The following SLAIN1 variants were observed in gnomAD, a reference collection of about 807,000 sequenced individuals.
SLAIN1 encodes the protein SLAIN motif-containing protein 1.
A neutral mutation model predicts 55.4 loss-of-function variants in SLAIN1; 17 were observed. The ratio of observed to expected loss-of-function variants is 0.31; its 90% confidence interval spans 0.21 to 0.46. The LOEUF (loss-of-function observed/expected upper bound fraction) is 0.46. Ranked by LOEUF, SLAIN1 falls within the 20% of genes least tolerant of loss-of-function variation. SLAIN1 has a pLI of 1.00. For synonymous variants in SLAIN1, 348 were observed against 337.4 expected (o/e 1.03, Z -0.35); for missense variants, 682 against 785.1 (o/e 0.87, Z 1.57).
chr13:77,736,627 C>G (rs1379918627), intron 2 of SLAIN1, among the ~76,000 whole-genome samples: 1 of 152,072 alleles, frequency 6.6e-6, no homozygotes, highest in Non-Finnish European at 1.5e-5. Flanking sequence ...ATCTGCCTGA[C>G]CTGCTAACAC....
intron 2 of SLAIN1, among the ~76,000 whole-genome samples, chr13:77,733,456 T>A (rs1267773132): frequency 2.0e-5 from 3 of 152,186 alleles, no homozygotes; most frequent in Non-Finnish European, 4.4e-5. Flanking sequence ...TCATAGGTAC[T>A]CATACATATA....
intron 2 of SLAIN1, among the ~76,000 whole-genome samples, chr13:77,723,752 T>C (rs2091283261): frequency 6.6e-6 from 1 of 152,178 alleles, no homozygotes; most frequent in Admixed American, 6.6e-5. Context: ...CTATAAACTT[T>C]AGTTCTGCAA....
intron 2 of SLAIN1, chr13:77,743,162 A>G (rs1475072529): frequency 1.5e-6 from 2 of 1,300,256 alleles, no homozygotes; most frequent in South Asian, 2.5e-5. Context: ...ACCTGAAAAA[A>G]CAGGTAATAT....
chr13:77,711,866 G>A (rs1273185503), intron 1 of SLAIN1, among the ~76,000 whole-genome samples: 1 of 152,174 alleles, frequency 6.6e-6, no homozygotes, highest in Non-Finnish European at 1.5e-5. Flanking sequence ...ACATCAAAAA[G>A]CTTATCCACC....
chr13:77,703,875 C>T (rs1318707227), intron 1 of SLAIN1, among the ~76,000 whole-genome samples: 1 of 126,812 alleles, frequency 7.9e-6, no homozygotes, highest in Non-Finnish European at 1.6e-5. Flanking sequence ...AGTGGCAGGT[C>T]TAAAAAAAAA....
intron 4 of SLAIN1, among the ~76,000 whole-genome samples, chr13:77,749,668 T>A (rs1874073891): frequency 6.6e-6 from 1 of 152,182 alleles, no homozygotes; most frequent in Admixed American, 6.6e-5. Context: ...CTTGTGAAGA[T>A]AGAACTAGAA....
chr13:77,728,020 G>A (rs539693307), intron 2 of SLAIN1, among the ~76,000 whole-genome samples: 1 of 152,140 alleles, frequency 6.6e-6, no homozygotes. Flanking sequence ...ACAGGTATTT[G>A]TTAGGGATCT....
chr13:77,714,494 T>G (rs2091186692), intron 1 of SLAIN1, among the ~76,000 whole-genome samples: 1 of 152,062 alleles, frequency 6.6e-6, no homozygotes, highest in South Asian at 2.1e-4. Flanking sequence ...ATGCCTATGA[T>G]CCTAGCAACT....
intron 1 of SLAIN1, among the ~76,000 whole-genome samples, chr13:77,706,353 C>T (rs569167491): frequency 2.0e-5 from 3 of 152,028 alleles, no homozygotes; most frequent in East Asian, 3.9e-4. Context: ...TTTCTCTGAC[C>T]CCTTTGTTCC....
chr13:77,738,393 ACAGC>A (rs1020491455), intron 2 of SLAIN1, among the ~76,000 whole-genome samples: 4 of 152,026 alleles, frequency 2.6e-5, no homozygotes, highest in African/African-American at 9.7e-5. Flanking sequence ...AGCTGGGAAG[ACAGC>A]CATGAGCATG....
intron 4 of SLAIN1, among the ~76,000 whole-genome samples, chr13:77,749,894 C>A (rs1013901671): frequency 2.6e-5 from 4 of 152,058 alleles, no homozygotes; most frequent in Admixed American, 6.6e-5. Context: ...TGACTTGTTG[C>A]TTAAATATGA....
At chr13:77,724,088 T>G (rs1298233705) in intron 2 of SLAIN1, among the ~76,000 whole-genome samples, 1 of 152,224 alleles carries the variant, frequency 6.6e-6, no homozygotes, top group African/African-American at 2.4e-5. Context: ...ATTCAGATTT[T>G]CACTTAGTCC....
chr13:77,712,919 A>G (rs1166162215), intron 1 of SLAIN1, among the ~76,000 whole-genome samples: 1 of 152,178 alleles, frequency 6.6e-6, no homozygotes, highest in Non-Finnish European at 1.5e-5. Context: ...ATTTACAACC[A>G]TCTGATCTTT....
Position 77,698,128 on chromosome 13 carries a change from C to T in SLAIN1, c.215C>T (p.Pro72Leu), listed in dbSNP as rs1411001360. ...LPPPPPAAPP[P>L]AGLQPLGPRS... Reference sequence around the variant, plus strand: ...CCGCCGCCGCCCGCCGCGCCGCCCCCCGCTGGCCTGCAGCCTTTGGGTCCT... The same window carrying T: ...CCGCCGCCGCCCGCCGCGCCGCCCCTCGCTGGCCTGCAGCCTTTGGGTCCT... The change falls in exon 1 of 7, where the codon CCC becomes CTC. Residue 72 changes from proline (P) to leucine (L), a missense_variant. Coordinates refer to ENST00000418532, the MANE Select transcript of SLAIN1 (RefSeq NM_001242868.2). The surrounding 1 kb of genome is among the most constrained non-coding windows in gnomAD (Gnocchi z 4.1). The T allele has an allele frequency of 4.4e-6, 4 of 913,384 alleles. No individual in the cohort carries two copies. The highest frequency in any genetic ancestry group is 7.4e-5 in the East Asian group (1 of 13,462). The allele number at this position is 913,384 out of a possible 1,614,324, so 56.6% of individuals were successfully genotyped here.
At chr13:77,711,583 A>G (rs900883244) in intron 1 of SLAIN1, among the ~76,000 whole-genome samples, 1 of 152,222 alleles carries the variant, frequency 6.6e-6, no homozygotes, top group African/African-American at 2.4e-5. Flanking sequence ...GCAGTAATTA[A>G]TAACCTATCA....
At chr13:77,720,911 G>A (rs897983869) in intron 2 of SLAIN1, among the ~76,000 whole-genome samples, 1 of 152,208 alleles carries the variant, frequency 6.6e-6, no homozygotes, top group South Asian at 2.1e-4. Context: ...AAGTTGAAGA[G>A]CAGTGTAGGG....
chr13:77,724,833 G>A (rs1334019397), intron 2 of SLAIN1, among the ~76,000 whole-genome samples: 2 of 152,114 alleles, frequency 1.3e-5, no homozygotes, highest in Non-Finnish European at 1.5e-5. Context: ...TTGGTGTGCT[G>A]CACCCAGTAA....
chr13:77,724,904 T>G (rs2091293942), intron 2 of SLAIN1, among the ~76,000 whole-genome samples: 1 of 152,214 alleles, frequency 6.6e-6, no homozygotes, highest in South Asian at 2.1e-4. Flanking sequence ...GTCCGCATTT[T>G]TGAGTAACAG....
intron 2 of SLAIN1, among the ~76,000 whole-genome samples, chr13:77,721,523 T>G (rs2091262194): frequency 6.6e-6 from 1 of 152,124 alleles, no homozygotes; most frequent in South Asian, 2.1e-4. Context: ...ACATACAAAT[T>G]TGGCTCAATA....
Sources: gnomAD v4.1 joint callset for allele counts (sites outside exome capture counted in the v4.1 genomes callset) on GRCh38, gnomAD v4.1.1 for gene constraint, Gnocchi (gnomAD v3.1) non-coding constraint, MANE v1.5 for transcripts, NCBI Gene and HGNC (gene_info 2026-07-23, HGNC 2026-07-21) for gene names.